PDE4D: variants seen among roughly 807,000 people sequenced by gnomAD.
PDE4D encodes the protein 3',5'-cyclic-AMP phosphodiesterase 4D.
In PDE4D, 24 loss-of-function variants were observed where a neutral mutation model predicts 87.4. The observed-to-expected ratio is 0.27, with a 90% CI of 0.20 to 0.39. PDE4D has a LOEUF of 0.39. Ranked by LOEUF, PDE4D falls within the 10% of genes least tolerant of loss-of-function variation. PDE4D has a pLI of 1.00. For synonymous variants in PDE4D, 384 were observed against 383.2 expected (o/e 1.00, Z -0.02); for missense variants, 714 against 1,041.0 (o/e 0.69, Z 4.32).
intron 1 of PDE4D, among the ~76,000 whole-genome samples, chr5:59,259,893 G>T (rs560729710): frequency 6.6e-6 from 1 of 151,820 alleles, no homozygotes; most frequent in East Asian, 1.9e-4. Flanking sequence ...CTCTCCGTCG[G>T]TCTGAATGAA....
At chr5:59,200,328 C>CAT (rs1390648358) in intron 2 of PDE4D, among the ~76,000 whole-genome samples, 8 of 113,580 alleles carry the variant, frequency 7.0e-5, no homozygotes, top group Non-Finnish European at 1.4e-4. Context: ...TATACATACA[C>CAT]GTGTATGTAC....
At chr5:60,111,959 T>C (rs2149359334) in intron 2 of PDE4D, among the ~76,000 whole-genome samples, 1 of 152,210 alleles carries the variant, frequency 6.6e-6, no homozygotes. Context: ...AACAGTTATT[T>C]AATTTAACTT....
intron 1 of PDE4D, among the ~76,000 whole-genome samples, chr5:59,530,605 T>C (rs927686439): frequency 7.3e-6 from 1 of 136,468 alleles, no homozygotes; most frequent in Admixed American, 7.3e-5. Flanking sequence ...CACAACCATA[T>C]TATTAAAAAA....
At chr5:60,432,854 T>C (rs371926736) in intron 1 of PDE4D, among the ~76,000 whole-genome samples, 1 of 152,186 alleles carries the variant, frequency 6.6e-6, no homozygotes, top group African/African-American at 2.4e-5. Context: ...CGATAAATGG[T>C]TCTGGGACAA....
chr5:60,190,655 A>C (rs774905027), intron 1 of PDE4D, among the ~76,000 whole-genome samples: 3 of 152,200 alleles, frequency 2.0e-5, no homozygotes, highest in Non-Finnish European at 4.4e-5. Context: ...CAATAATGAG[A>C]GGACCCTGTA....
intron 1 of PDE4D, among the ~76,000 whole-genome samples, chr5:60,421,912 G>GC (rs1743142282): frequency 6.6e-6 from 1 of 152,206 alleles, no homozygotes; most frequent in Admixed American, 6.5e-5. Flanking sequence ...AGCTTCAATA[G>GC]CCTGTTAGAT....
intron 3 of PDE4D, among the ~76,000 whole-genome samples, chr5:59,971,635 C>T (rs79745066): frequency 0.044 from 6,629 of 152,156 alleles, 441 homozygotes; most frequent in African/African-American, 0.13. Flanking sequence ...GCTTTAAAAA[C>T]TTTGCCACGG....
intron 1 of PDE4D, among the ~76,000 whole-genome samples, chr5:59,273,352 CATAT>C (rs1764207031): frequency 6.7e-6 from 1 of 149,862 alleles, no homozygotes; most frequent in South Asian, 2.1e-4. Flanking sequence ...TATGTGTATA[CATAT>C]ATATACACAC....
intron 1 of PDE4D, among the ~76,000 whole-genome samples, chr5:59,801,564 C>T (rs1767128625): frequency 6.6e-6 from 1 of 152,120 alleles, no homozygotes. Flanking sequence ...TTTCAAGTAT[C>T]TTCATATGAC....
chr5:60,141,965 C>T (rs1286196464), intron 2 of PDE4D, among the ~76,000 whole-genome samples: 2 of 152,030 alleles, frequency 1.3e-5, no homozygotes, highest in African/African-American at 2.4e-5. Context: ...TAACTCAAAA[C>T]AACAACTAGA....
At chr5:59,128,953 T>C (rs1263709582) in intron 5 of PDE4D, among the ~76,000 whole-genome samples, 4 of 152,216 alleles carry the variant, frequency 2.6e-5, no homozygotes, top group Non-Finnish European at 5.9e-5. Flanking sequence ...CATCCACCTA[T>C]TAAGAGGCAG....
At chr5:59,951,759 G>A (rs1004130285) in intron 3 of PDE4D, among the ~76,000 whole-genome samples, 2 of 152,078 alleles carry the variant, frequency 1.3e-5, no homozygotes, top group African/African-American at 4.8e-5. Context: ...GCAACTTAAT[G>A]TATTTTGTCC....
intron 1 of PDE4D, among the ~76,000 whole-genome samples, chr5:60,462,816 T>C (rs1747061544): frequency 6.6e-6 from 1 of 152,222 alleles, no homozygotes; most frequent in Non-Finnish European, 1.5e-5. Context: ...CTCATTGGGT[T>C]CTTTTCCTCA....
At chr5:59,943,226 G>A (rs1279197023) in intron 3 of PDE4D, among the ~76,000 whole-genome samples, 2 of 150,870 alleles carry the variant, frequency 1.3e-5, no homozygotes, top group Admixed American at 6.6e-5. Context: ...TTTTTTTACA[G>A]ATGAGGAGAC....
At chr5:59,569,891 G>T (rs1002849035) in intron 1 of PDE4D, among the ~76,000 whole-genome samples, 8 of 152,092 alleles carry the variant, frequency 5.3e-5, no homozygotes, top group African/African-American at 1.9e-4. Flanking sequence ...AGGGTCAAGT[G>T]CATTCATTAC....
intron 1 of PDE4D, among the ~76,000 whole-genome samples, chr5:60,373,853 G>A (rs1339947716): frequency 6.6e-6 from 1 of 152,082 alleles, no homozygotes; most frequent in East Asian, 1.9e-4. Context: ...GCAATGACTG[G>A]GTGATGCTTG....
chr5:58,986,956 A>ACGAT (rs1554037368), intron 11 of PDE4D, among the ~76,000 whole-genome samples: 2 of 54,956 alleles, frequency 3.6e-5, no homozygotes, highest in African/African-American at 5.3e-5. Flanking sequence ...TTTGGTGTTT[A>ACGAT]AGATAGATAT....
chr5:59,518,466 G>C (rs1402814606), intron 1 of PDE4D, among the ~76,000 whole-genome samples: 1 of 152,142 alleles, frequency 6.6e-6, no homozygotes, highest in East Asian at 1.9e-4. Context: ...TGGCTGCCCA[G>C]GAGGAGGGGG....
At chr5:59,625,039 T>C (rs1421440116) in intron 1 of PDE4D, among the ~76,000 whole-genome samples, 2 of 152,194 alleles carry the variant, frequency 1.3e-5, no homozygotes, top group African/African-American at 4.8e-5. Flanking sequence ...TTACTTTACA[T>C]GGAAAAAGGA....
Sources: gnomAD v4.1 joint callset for allele counts (sites outside exome capture counted in the v4.1 genomes callset) on GRCh38, gnomAD v4.1.1 for gene constraint, MANE v1.5 for transcripts, NCBI Gene and HGNC (gene_info 2026-07-23, HGNC 2026-07-21) for gene names.